LAMB4: variants seen among roughly 807,000 people sequenced by gnomAD.
LAMB4 encodes laminin subunit beta-4.
LAMB4 carries 196 observed loss-of-function variants against 199.2 expected under a neutral mutation model. The ratio of observed to expected loss-of-function variants is 0.98; its 90% CI spans 0.88 to 1.11. The LOEUF (loss-of-function observed/expected upper bound fraction) is 1.11, where lower values mean the gene tolerates loss of function less well. LAMB4 is among the 50% of genes least tolerant of loss of function. The pLI, the probability that LAMB4 is intolerant of heterozygous loss-of-function variation, is 0.00. For missense variants in LAMB4, 2,080 were observed against 2,171.2 expected, an observed-to-expected ratio of 0.96 and a Z score of 0.83; for synonymous variants, 744 against 770.6, an observed-to-expected ratio of 0.97 and a Z score of 0.57.
At chr7:108,063,729 C>T (rs2036242634) in intron 22 of LAMB4, 32 bp downstream of exon 22, 2 of 1,562,176 alleles carry the variant, frequency 1.3e-6, no homozygotes, top group African/African-American at 2.7e-5. Flanking sequence ...ACTCAGCTGA[C>T]ACATTTCCCC....
intron 12 of LAMB4, among the ~76,000 whole-genome samples, chr7:108,093,730 G>A (rs756090963): frequency 3.3e-5 from 5 of 152,118 alleles, no homozygotes; most frequent in South Asian, 4.1e-4. Context: ...AACATGCTCC[G>A]ATAAAACTTA....
intron 33 of LAMB4, among the ~76,000 whole-genome samples, chr7:108,025,417 C>CTTTCTTTCCTTTCTTTCTTCTTTCTTTCT (rs772964568): frequency 4.6e-5 from 5 of 107,868 alleles, no homozygotes; most frequent in African/African-American, 2.0e-4. Flanking sequence ...TTCTTTCTTT[C>CTTTCTTTCCTTTCTTTCTTCTTTCTTTCT]TTCTTTCTTT....
At chr7:108,038,340 T>C (rs1179300634) in intron 29 of LAMB4, among the ~76,000 whole-genome samples, 1 of 152,084 alleles carries the variant, frequency 6.6e-6, no homozygotes, top group East Asian at 1.9e-4. Flanking sequence ...TTTTTGTATT[T>C]TTAGTAGAGA....
Position 108,087,381 on chromosome 7 carries a change from G to A in LAMB4, c.1701+4245C>T, listed in dbSNP as rs1033085014. ...TGGCTTTGGGAACAAGACAGCCAAC[G>A]TCTGCTTTCATTTGCTTCTCCAACA... On this transcript the variant is annotated intron_variant, in intron 14 of 33. Coordinates refer to ENST00000388781, the MANE Select transcript of LAMB4 (RefSeq NM_007356.3). Among the ~76,000 whole-genome samples, 8 of 152,170 alleles carry A rather than the reference G, an allele frequency of 5.3e-5. No individual in the cohort carries two copies. In the South Asian group the frequency reaches 8.3e-4, roughly 16 times the overall value.
chr7:108,100,083 C>T (rs896107742), intron 10 of LAMB4, among the ~76,000 whole-genome samples: 119 of 152,138 alleles, frequency 7.8e-4, no homozygotes, highest in Admixed American at 2.4e-3. Flanking sequence ...GTATTGAGTT[C>T]CAGAGAATAA....
At chr7:108,035,604 C>CA (rs34425857) in intron 30 of LAMB4, among the ~76,000 whole-genome samples, 1,675 of 79,920 alleles carry the variant, frequency 0.021, 59 homozygotes, top group African/African-American at 0.074. Context: ...TAGAGAGTAC[C>CA]AAAAAAAAAA....
At chr7:108,090,430 C>T (rs903017508) in intron 14 of LAMB4, among the ~76,000 whole-genome samples, 3 of 152,078 alleles carry the variant, frequency 2.0e-5, no homozygotes, top group Non-Finnish European at 2.9e-5. Flanking sequence ...TAAACCTATT[C>T]CATGTCCTGG....
intron 17 of LAMB4, among the ~76,000 whole-genome samples, chr7:108,073,690 C>A (rs570360439): frequency 1.3e-5 from 2 of 152,172 alleles, no homozygotes; most frequent in Non-Finnish European, 2.9e-5. Flanking sequence ...TCTTATCTTC[C>A]CAGAGCAACA....
chr7:108,126,911 T>C (rs1181092339), intron 1 of LAMB4, among the ~76,000 whole-genome samples: 1 of 152,118 alleles, frequency 6.6e-6, no homozygotes, highest in Non-Finnish European at 1.5e-5. Flanking sequence ...TGTATGCACC[T>C]GAGGAGATAT....
chr7:108,063,629 C>T, intron 22 of LAMB4, 132 bp downstream of exon 22: 1 of 776,466 alleles, frequency 1.3e-6, no homozygotes, highest in Non-Finnish European at 2.3e-6. Context: ...GTACAACAGC[C>T]CTGTCACCTA....
chr7:108,067,573 T>G (rs1474342617), intron 19 of LAMB4, among the ~76,000 whole-genome samples: 5 of 152,242 alleles, frequency 3.3e-5, no homozygotes, highest in Admixed American at 3.3e-4. Flanking sequence ...GGTGATATCC[T>G]CATTGGGAGA....
In LAMB4 at chr7:108,047,544, G is replaced by T. The variant is rs1006830222; in HGVS notation, c.4326+364C>A. 2.0e-5 allele frequency among the ~76,000 whole-genome samples: 3 copies of T among 151,796 alleles called. No homozygotes were observed. In the East Asian group the frequency reaches 5.8e-4, roughly 29 times the overall value. ...ATACATACATAAATATATGTTAATT[G>T]ACTGTTTAAGTTATGGGTAAGGCTT... On this transcript the variant is annotated intron_variant, in intron 28 of 33. Coordinates refer to ENST00000388781, the MANE Select transcript of LAMB4 (RefSeq NM_007356.3).
intron 14 of LAMB4, 53 bp from the exon 15 acceptor site, chr7:108,079,839 A>G (rs1038719669): frequency 2.1e-6 from 3 of 1,411,560 alleles, no homozygotes; most frequent in Non-Finnish European, 9.4e-7. Flanking sequence ...GGCCTGAAAG[A>G]GTTCAAGAAA....
intron 2 of LAMB4, among the ~76,000 whole-genome samples, chr7:108,121,704 C>T (rs1410172962): frequency 6.7e-6 from 1 of 150,298 alleles, no homozygotes; most frequent in African/African-American, 2.5e-5. Context: ...GAGCTGAGAT[C>T]GCACCATTGC....
intron 16 of LAMB4, 21 bp from the exon 17 acceptor site, chr7:108,077,085 CA>C (rs2036731782): frequency 6.2e-7 from 1 of 1,609,624 alleles, no homozygotes; most frequent in African/African-American, 1.3e-5. Flanking sequence ...AAAGATAAAG[CA>C]AAAATTCAGA....
At chr7:108,115,761 T>G (rs1170737946) in intron 3 of LAMB4, among the ~76,000 whole-genome samples, 2 of 152,134 alleles carry the variant, frequency 1.3e-5, no homozygotes, top group Admixed American at 6.5e-5. Context: ...AGGATATAGG[T>G]AGGTTACATG....
chr7:108,092,269 G>A, intron 13 of LAMB4, 68 bp downstream of exon 13: 1 of 1,198,284 alleles, frequency 8.3e-7, no homozygotes, highest in Non-Finnish European at 1.2e-6. Flanking sequence ...ATGACTATGA[G>A]CGTATCAGAA....
chr7:108,127,208 A>C (rs2038826030), intron 1 of LAMB4, among the ~76,000 whole-genome samples: 1 of 131,216 alleles, frequency 7.6e-6, no homozygotes, highest in Non-Finnish European at 1.6e-5. Context: ...TTTTTTTTGA[A>C]TCCTGCTTCC....
At chr7:108,037,278 C>T in intron 30 of LAMB4, 110 bp downstream of exon 30, 2 of 838,916 alleles carry the variant, frequency 2.4e-6, no homozygotes, top group Non-Finnish European at 3.8e-6. Flanking sequence ...ACTGAACTAT[C>T]AGAAGGTAAT....
Sources: gnomAD v4.1 joint callset for allele counts (sites outside exome capture counted in the v4.1 genomes callset) on GRCh38, gnomAD v4.1.1 for gene constraint, MANE v1.5 for transcripts, NCBI Gene and HGNC (gene_info 2026-07-23, HGNC 2026-07-21) for gene names.